The following THEMIS variants were observed in gnomAD, a reference collection of about 807,000 sequenced individuals.
THEMIS encodes thymocyte selection associated.
A neutral mutation model predicts 52.6 loss-of-function variants in THEMIS; 37 were observed. The ratio of observed to expected loss-of-function variants is 0.70; its 90% CI spans 0.54 to 0.93. The LOEUF (loss-of-function observed/expected upper bound fraction) is 0.93. Ranked by LOEUF, THEMIS falls within the 40% of genes least tolerant of loss-of-function variation. THEMIS has a pLI of 0.00. For missense variants in THEMIS, 808 were observed against 763.1 expected (o/e 1.06, Z -0.69); for synonymous variants, 292 against 272.7 (o/e 1.07, Z -0.70).
At chr6:127,774,893 G>T (rs763941997) in intron 4 of THEMIS, among the ~76,000 whole-genome samples, 1 of 152,126 alleles carries the variant, frequency 6.6e-6, no homozygotes, top group Non-Finnish European at 1.5e-5. Context: ...TTGATCAGAA[G>T]ACCATCAAAT....
intron 1 of THEMIS, among the ~76,000 whole-genome samples, chr6:127,888,865 C>T (rs1780721623): frequency 6.6e-6 from 1 of 152,008 alleles, no homozygotes; most frequent in Admixed American, 6.6e-5. Context: ...CATTATTACC[C>T]AAGTAACTTC....
Position 127,829,704 on chromosome 6 carries a change from G to T in THEMIS, c.481C>A (p.His161Asn). The part of the protein sequence containing the change: ...SCAVARNHQT[H>N]SFNLPLSQEG... ...TGTGACAAAGGCAAATTAAATGAGT[G>T]AGTTTGATGATTCCTTGCTACTGCA... The change falls in exon 3 of 6, where the codon CAC becomes AAC. Residue 161 changes from histidine to asparagine, a missense_variant. Transcript: ENST00000368248. 1 of 1,614,108 alleles carries T rather than the reference G, an allele frequency of 6.2e-7. No homozygotes were observed. Among genetic ancestry groups the T allele is most frequent in the Non-Finnish European group, 8.5e-7 (1 of 1,180,008 alleles).
intron 1 of THEMIS, among the ~76,000 whole-genome samples, chr6:127,861,233 T>C (rs1461828396): frequency 1.3e-5 from 2 of 152,220 alleles, no homozygotes; most frequent in Non-Finnish European, 2.9e-5. Flanking sequence ...CATCTCTGCC[T>C]ACATTTTATA....
rs1779714295 is a variant in THEMIS at position 127,859,147 on chromosome 6, C to T, written c.92-3959G>A. ...GATGTTTCTCCCCTTTACTCAAATG[C>T]ACTCTCCCTCCATTACTGCCTGCCC... On this transcript the variant is annotated intron_variant, in intron 1 of 5. Coordinates refer to ENST00000368248, the MANE Select transcript of THEMIS (RefSeq NM_001010923.3). Among the ~76,000 whole-genome samples the T allele has an allele frequency of 1.3e-5, 2 of 151,952 alleles. 1 individual carries two copies. The highest frequency in any genetic ancestry group is 4.1e-4 in the South Asian group (2 of 4,826).
intron 1 of THEMIS, among the ~76,000 whole-genome samples, chr6:127,914,384 A>G (rs1477621313): frequency 1.3e-5 from 2 of 152,216 alleles, no homozygotes; most frequent in African/African-American, 2.4e-5. Context: ...TTTCATTATG[A>G]AACATAGTCA....
At chr6:127,868,924 A>G (rs551041244) in intron 1 of THEMIS, among the ~76,000 whole-genome samples, 2 of 152,340 alleles carry the variant, frequency 1.3e-5, no homozygotes, top group South Asian at 4.1e-4. Context: ...AGTGCTATGT[A>G]CTACTGATAT....
chr6:127,802,455 C>T (rs1372617465), intron 4 of THEMIS, among the ~76,000 whole-genome samples: 1 of 152,106 alleles, frequency 6.6e-6, no homozygotes, highest in African/African-American at 2.4e-5. Flanking sequence ...CAAAGGTGGG[C>T]GTAGCTACCA....
chr6:127,860,722 C>T (rs949645306), intron 1 of THEMIS, among the ~76,000 whole-genome samples: 6 of 151,888 alleles, frequency 4.0e-5, no homozygotes, highest in African/African-American at 1.2e-4. Flanking sequence ...GTACTAGGAC[C>T]AAAACCCAGA....
In THEMIS at chr6:127,855,206, T is replaced by A. The variant is rs1319774712; in HGVS notation, c.92-18A>T. The A allele has an allele frequency of 6.4e-7, 1 of 1,562,080 alleles. No individual in the cohort carries two copies. The highest frequency in any genetic ancestry group is 2.3e-5 in the East Asian group (1 of 44,058). ...AATAGAGCCTAAAAGGAAAGAAAAG[T>A]TAAAACAGCTTTTTAAAAAGAAAAC... On this transcript the variant is annotated intron_variant, in intron 1 of 5. Transcript: ENST00000368248.
intron 1 of THEMIS, among the ~76,000 whole-genome samples, chr6:127,913,133 C>T (rs699416): frequency 0.74 from 111,831 of 152,082 alleles, 41,672 homozygotes; most frequent in East Asian, 0.97. Flanking sequence ...AGGACCATTA[C>T]GACATTGGAC....
chr6:127,706,868 T>C (rs1036701614), downstream of THEMIS, among the ~76,000 whole-genome samples: 3 of 152,028 alleles, frequency 2.0e-5, no homozygotes, highest in African/African-American at 7.2e-5. Flanking sequence ...AGGGTAGGAA[T>C]AGCCCTGGCA....
At chr6:127,874,216 ACAC>A (rs1342274594) in intron 1 of THEMIS, among the ~76,000 whole-genome samples, 12 of 152,188 alleles carry the variant, frequency 7.9e-5, no homozygotes, top group African/African-American at 2.9e-4. Context: ...GATGCTTCCA[ACAC>A]TTGAGCTCAT....
intron 4 of THEMIS, among the ~76,000 whole-genome samples, chr6:127,754,366 G>A (rs934416533): frequency 3.3e-5 from 5 of 152,130 alleles, no homozygotes; most frequent in Non-Finnish European, 7.4e-5. Flanking sequence ...GTCAAATTGT[G>A]AAATATGTTT....
intron 4 of THEMIS, among the ~76,000 whole-genome samples, chr6:127,764,287 C>T (rs1180420911): frequency 6.6e-6 from 1 of 151,554 alleles, no homozygotes; most frequent in East Asian, 1.9e-4. Context: ...TTTAGCTTCT[C>T]TTTCTCTTTC....
intron 2 of THEMIS, among the ~76,000 whole-genome samples, chr6:127,836,919 T>TG (rs371450925): frequency 2.4e-4 from 37 of 152,198 alleles, no homozygotes; most frequent in African/African-American, 8.9e-4. Flanking sequence ...TTCAGAGCAC[T>TG]GGGGGGTCTC....
intron 4 of THEMIS, among the ~76,000 whole-genome samples, chr6:127,789,417 T>A (rs1377706674): frequency 1.3e-5 from 2 of 152,156 alleles, no homozygotes; most frequent in African/African-American, 4.8e-5. Flanking sequence ...TAGGACCAGA[T>A]GGATTCACAG....
intron 2 of THEMIS, among the ~76,000 whole-genome samples, chr6:127,841,257 A>ATCCCCAAAATGTAAC (rs1779039177): frequency 6.6e-6 from 1 of 151,998 alleles, no homozygotes; most frequent in African/African-American, 2.4e-5. Context: ...AAACCTCTAA[A>ATCCCCAAAATGTAAC]TCCCCAAAAT....
Position 127,829,479 on chromosome 6 carries a change from T to C in THEMIS, c.706A>G (p.Lys236Glu), listed in dbSNP as rs752070453. Residue 236 changes from lysine (K) to glutamate (E), a missense_variant, in exon 3 of 6, where the codon AAA (lysine) becomes GAA (glutamate). Physicochemically the swap from Lys to Glu is moderately conservative, Grantham distance 56. Transcript: ENST00000368248. Reference sequence around the variant, plus strand: ...ATCATTCTCAGTGGATACTCACATTTCATCACACCTTGAATTTCATAAACA... The same window carrying C: ...ATCATTCTCAGTGGATACTCACATTCCATCACACCTTGAATTTCATAAACA... ...KPVYEIQGVM[K>E]FRKDIIRILP... is the part of the protein sequence containing the mutation. 1.3e-6 allele frequency: 2 copies of C among 1,597,370 alleles called. No homozygotes were observed. The highest frequency in any genetic ancestry group is 2.7e-5 in the African/African-American group (2 of 74,302).
chr6:127,819,002 C>A (rs1778231901), intron 3 of THEMIS, among the ~76,000 whole-genome samples: 1 of 151,120 alleles, frequency 6.6e-6, no homozygotes, highest in Non-Finnish European at 1.5e-5. Context: ...CACCCGTAGT[C>A]CCAGGTACTA....
Sources: gnomAD v4.1 joint callset for allele counts (sites outside exome capture counted in the v4.1 genomes callset) on GRCh38, gnomAD v4.1.1 for gene constraint, MANE v1.5 for transcripts, NCBI Gene and HGNC (gene_info 2026-07-23, HGNC 2026-07-21) for gene names.